Variants in CMAS observed in about 807,000 individuals in gnomAD.
CMAS encodes the protein cytidine monophosphate N-acetylneuraminic acid synthetase, also known as N-acylneuraminate cytidylyltransferase.
A neutral mutation model predicts 53.4 loss-of-function variants in CMAS; 21 were observed. The observed-to-expected ratio is 0.39, with a 90% confidence interval of 0.28 to 0.57. CMAS has a LOEUF of 0.57. Among genes scored for constraint, CMAS ranks in the 20% least tolerant of loss-of-function variants. CMAS has a pLI of 0.56. For synonymous variants in CMAS, 189 were observed against 195.2 expected, an observed-to-expected ratio of 0.97 and a Z score of 0.27; for missense variants, 384 against 534.9, an observed-to-expected ratio of 0.72 and a Z score of 2.78.
intron 7 of CMAS, among the ~76,000 whole-genome samples, chr12:22,063,029 A>T (rs987615267): frequency 3.3e-5 from 5 of 152,010 alleles, no homozygotes; most frequent in Non-Finnish European, 7.3e-5. Context: ...ATGATCAAAT[A>T]TAACAATGTT....
intron 4 of CMAS, among the ~76,000 whole-genome samples, chr12:22,060,366 G>A (rs1950300856): frequency 2.9e-5 from 2 of 69,424 alleles, no homozygotes; most frequent in South Asian, 8.0e-4. Context: ...AAAAAGCTGG[G>A]CGTGGTGGCT....
intron 1 of CMAS, among the ~76,000 whole-genome samples, chr12:22,052,126 G>A (rs1329410549): frequency 6.6e-6 from 1 of 152,182 alleles, no homozygotes; most frequent in East Asian, 1.9e-4. Context: ...AGCAGGCACT[G>A]TGAAAGTACT....
At chr12:22,053,213 C>T (rs1325001439) in intron 1 of CMAS, among the ~76,000 whole-genome samples, 1 of 151,882 alleles carries the variant, frequency 6.6e-6, no homozygotes, top group Non-Finnish European at 1.5e-5. Flanking sequence ...ATCGCTTGAA[C>T]CTGGGAGGTG....
chr12:22,046,507 G>C lies in CMAS; in HGVS notation c.204G>C (p.Gly68=), dbSNP rs547646358. 6.2e-7 allele frequency: 1 copy of C among 1,605,998 alleles called. No homozygotes were observed. Among genetic ancestry groups the C allele is most frequent in the African/African-American group, 1.3e-5 (1 of 74,472 alleles). ...IPLKNIKHLA[G]VPLIGWVLRA... ...TGAAGAACATTAAGCACCTGGCGGGGGTCCCGCTCATTGGCTGGGTCCTGC... is the reference window on the plus strand; with the variant it reads ...TGAAGAACATTAAGCACCTGGCGGGCGTCCCGCTCATTGGCTGGGTCCTGC... Residue 68 remains glycine (G), a synonymous_variant, in exon 1 of 8, where the codon GGG becomes GGC. Transcript: ENST00000229329.
At chr12:22,059,774 T>A (rs1438328254) in intron 4 of CMAS, among the ~76,000 whole-genome samples, 7 of 152,170 alleles carry the variant, frequency 4.6e-5, no homozygotes, top group Non-Finnish European at 1.0e-4. Context: ...AGGACCATGA[T>A]TAACCCATTC....
chr12:22,062,988 A>G (rs1950318767), intron 7 of CMAS, among the ~76,000 whole-genome samples: 1 of 152,218 alleles, frequency 6.6e-6, no homozygotes, highest in South Asian at 2.1e-4. Context: ...TGCAACCATT[A>G]CAAACAGTGC....
At chr12:22,046,814 C>G (rs1014993376) in intron 1 of CMAS, among the ~76,000 whole-genome samples, 1 of 152,234 alleles carries the variant, frequency 6.6e-6, no homozygotes, top group Non-Finnish European at 1.5e-5. Flanking sequence ...CCTTGAGAAT[C>G]ATCCGTAAAA....
Position 22,061,393 on chromosome 12 carries a change from A to G in CMAS, c.901A>G (p.Ile301Val), listed in dbSNP as rs750094642. The change falls in exon 6 of 8, where the codon ATA (isoleucine) becomes GTA (valine). Residue 301 changes from isoleucine (I) to valine (V), a missense_variant. Physicochemically the swap from Ile to Val is conservative, Grantham distance 29. Coordinates refer to ENST00000229329, the MANE Select transcript of CMAS (RefSeq NM_018686.6). ...IYVSGDQKEIISYDVKDAIGI... is the reference protein window; with the variant it reads ...IYVSGDQKEIVSYDVKDAIGI... ...TGTATCAGGAGACCAAAAAGAAATA[A>G]TATCTTATGATGTAAAAGATGCTAT... is the stretch of plus-strand genomic sequence containing the variant. 3.7e-6 allele frequency: 6 copies of G among 1,606,190 alleles called. No individual in the cohort carries two copies. The highest frequency in any genetic ancestry group is 1.3e-5 in the African/African-American group (1 of 74,778).
intron 1 of CMAS, among the ~76,000 whole-genome samples, chr12:22,048,479 C>T (rs774066331): frequency 3.3e-5 from 5 of 152,078 alleles, no homozygotes; most frequent in African/African-American, 2.4e-5. Flanking sequence ...GGCCATGTCC[C>T]TAGGATGATC....
intron 1 of CMAS, among the ~76,000 whole-genome samples, chr12:22,049,840 G>A (rs1408497829): frequency 2.0e-5 from 3 of 151,686 alleles, no homozygotes; most frequent in Non-Finnish European, 2.9e-5. Context: ...GGGAGGTGGA[G>A]GTTGCAGTGA....
chr12:22,046,300 G>T lies in CMAS; in HGVS notation c.-4G>T. The T allele has an allele frequency of 6.9e-7, 1 of 1,459,222 alleles. No homozygotes were observed. Among genetic ancestry groups the T allele is most frequent in the Non-Finnish European group, 9.1e-7 (1 of 1,103,468 alleles). 90.4% of individuals were successfully genotyped at this position (1,459,222 alleles called of 1,614,324 possible). On this transcript the variant is annotated 5_prime_UTR_variant, in exon 1 of 8. Transcript: ENST00000229329. ...AGAAGCTGGGGAGAAGGCGTGGGAG[G>T]AAGATGGACTCGGTGGAGAAGGGGG...
chr12:22,059,810 C>A (rs553956323), intron 4 of CMAS, among the ~76,000 whole-genome samples: 164 of 151,434 alleles, frequency 1.1e-3, no homozygotes, highest in Middle Eastern at 3.4e-3. Flanking sequence ...AAATGTTTCT[C>A]ATTAAAACAA....
At chr12:22,064,316 G>A (rs1436685457) in intron 7 of CMAS, among the ~76,000 whole-genome samples, 2 of 152,008 alleles carry the variant, frequency 1.3e-5, no homozygotes, top group East Asian at 1.9e-4. Context: ...AAAGGATATC[G>A]TTATGTCAGT....
intron 3 of CMAS, among the ~76,000 whole-genome samples, chr12:22,057,164 C>G (rs1445659412): frequency 1.3e-5 from 2 of 150,922 alleles, no homozygotes; most frequent in Non-Finnish European, 2.9e-5. Flanking sequence ...TTCCTAGAAG[C>G]CTGTATAAAC....
At chr12:22,056,048 G>A (rs1222589911) in intron 3 of CMAS, among the ~76,000 whole-genome samples, 3 of 152,064 alleles carry the variant, frequency 2.0e-5, no homozygotes, top group African/African-American at 7.2e-5. Context: ...GGTTCCCTAG[G>A]GTTTACTAGG....
At chr12:22,060,030 ACT>A (rs953206414) in intron 4 of CMAS, among the ~76,000 whole-genome samples, 3 of 151,774 alleles carry the variant, frequency 2.0e-5, no homozygotes, top group Non-Finnish European at 2.9e-5. Flanking sequence ...ATCTAAGAAA[ACT>A]CTGTACAACA....
chr12:22,053,834 G>T (rs866483890), intron 1 of CMAS, among the ~76,000 whole-genome samples: 70 of 150,414 alleles, frequency 4.7e-4, no homozygotes, highest in African/African-American at 1.6e-3. Flanking sequence ...AGCCGAGATC[G>T]CGCCACTGCA....
At chr12:22,056,391 A>G (rs1453915855) in intron 3 of CMAS, among the ~76,000 whole-genome samples, 1 of 152,182 alleles carries the variant, frequency 6.6e-6, no homozygotes, top group African/African-American at 2.4e-5. Flanking sequence ...ACTTGAGTAC[A>G]TATTTTCCTC....
chr12:22,052,045 T>C (rs1478009393), intron 1 of CMAS, among the ~76,000 whole-genome samples: 1 of 152,204 alleles, frequency 6.6e-6, no homozygotes, highest in Admixed American at 6.5e-5. Context: ...AACCTCTTCC[T>C]TCAGAAACCA....
Sources: allele counts gnomAD v4.1 joint callset (sites outside exome capture counted in the v4.1 genomes callset), GRCh38; gene constraint gnomAD v4.1.1; transcripts MANE v1.5; gene names NCBI Gene and HGNC (gene_info 2026-07-23, HGNC 2026-07-21).